Variants in SLC44A1 observed in about 807,000 individuals in gnomAD.
The protein encoded by SLC44A1 is solute carrier family 44 member 1.
In SLC44A1, 26 loss-of-function variants were observed where a neutral mutation model predicts 79.3. The observed-to-expected ratio is 0.33, with a 90% CI of 0.24 to 0.46. SLC44A1 has a LOEUF of 0.46. SLC44A1 is among the 20% of genes least tolerant of loss of function. The pLI is 1.00. For missense variants in SLC44A1, 688 were observed against 798.1 expected, an observed-to-expected ratio of 0.86 and a Z score of 1.66; for synonymous variants, 263 against 286.2, an observed-to-expected ratio of 0.92 and a Z score of 0.82.
intron 15 of SLC44A1, among the ~76,000 whole-genome samples, chr9:105,416,150 G>T (rs1489372493): frequency 5.9e-5 from 9 of 151,946 alleles, no homozygotes; most frequent in African/African-American, 2.2e-4. Flanking sequence ...ACCCATCTTG[G>T]CCTCCCAAAG....
downstream of SLC44A1, among the ~76,000 whole-genome samples, chr9:105,400,189 C>T (rs1343432905): frequency 6.7e-6 from 1 of 148,726 alleles, no homozygotes; most frequent in African/African-American, 2.5e-5. Context: ...GAGTGAAACT[C>T]CGTCTCAAAA....
At chr9:105,386,403 A>ACTG (rs1164683724) in intron 15 of SLC44A1, 1 of 979,472 alleles carries the variant, frequency 1.0e-6, no homozygotes, top group African/African-American at 1.8e-5. Flanking sequence ...GTGTCCCCTG[A>ACTG]CTGCATATAA....
intron 12 of SLC44A1, among the ~76,000 whole-genome samples, chr9:105,369,181 A>G (rs1828028160): frequency 6.6e-6 from 1 of 152,232 alleles, no homozygotes; most frequent in South Asian, 2.1e-4. Flanking sequence ...TAATCTGTTC[A>G]GGCTTCTATA....
At chr9:105,327,832 A>G (rs1826628054) in intron 3 of SLC44A1, among the ~76,000 whole-genome samples, 1 of 152,020 alleles carries the variant, frequency 6.6e-6, no homozygotes, top group Non-Finnish European at 1.5e-5. Flanking sequence ...CCTCCTCTAT[A>G]ATCCTGTTTT....
At chr9:105,354,374 A>G (rs1274742743) in intron 5 of SLC44A1, among the ~76,000 whole-genome samples, 8 of 152,228 alleles carry the variant, frequency 5.3e-5, no homozygotes, top group Middle Eastern at 3.4e-3. Flanking sequence ...GATTCTCATA[A>G]TATTTTTAAC....
At chr9:105,293,596 C>G (rs572365584) in intron 1 of SLC44A1, among the ~76,000 whole-genome samples, 1 of 152,304 alleles carries the variant, frequency 6.6e-6, no homozygotes, top group African/African-American at 2.4e-5. Context: ...CAGACCTTTT[C>G]TACTTAATTG....
rs774131320 is a variant in SLC44A1 at position 105,365,555 on chromosome 9, G to A, written c.1326G>A (p.Thr442=). 26 of 1,613,064 alleles carry A rather than the reference G, an allele frequency of 1.6e-5. No individual in the cohort carries two copies. Among genetic ancestry groups the A allele is most frequent in the Admixed American group, 3.3e-5 (2 of 59,986 alleles). The change falls in exon 11 of 16, where the codon ACG becomes ACA. Residue 442 remains threonine, a synonymous_variant. Transcript: ENST00000374720. ...VNRLIRYHLG[T]VAKGSFIITL... is the part of the protein sequence containing the mutation. ...GCCTTATTCGTTACCACCTAGGTAC[G>A]GTGGCAAAAGGATCTTTCATTATCA...
chr9:105,321,713 G>A (rs1306528137), intron 3 of SLC44A1, among the ~76,000 whole-genome samples: 2 of 151,712 alleles, frequency 1.3e-5, no homozygotes, highest in African/African-American at 4.8e-5. Flanking sequence ...TGTCTTATCA[G>A]TGCACAGAAA....
chr9:105,427,446 T>A (rs1049766951), intron 15 of SLC44A1, among the ~76,000 whole-genome samples: 5 of 152,150 alleles, frequency 3.3e-5, no homozygotes, highest in African/African-American at 1.2e-4. Context: ...GTCTTTAACT[T>A]ATTTTTTTAT....
At chr9:105,268,476 C>CT (rs1267070270) in intron 1 of SLC44A1, among the ~76,000 whole-genome samples, 2 of 152,078 alleles carry the variant, frequency 1.3e-5, no homozygotes, top group South Asian at 4.1e-4. Flanking sequence ...ATCCAAATCT[C>CT]TTTCATTGAT....
chr9:105,305,800 CTA>C (rs753002383), intron 2 of SLC44A1, among the ~76,000 whole-genome samples: 1 of 141,428 alleles, frequency 7.1e-6, no homozygotes, highest in Non-Finnish European at 1.5e-5. Flanking sequence ...AGTAAAAGCT[CTA>C]TGTGTAAAAT....
At chr9:105,291,375 A>G (rs907909632) in intron 1 of SLC44A1, among the ~76,000 whole-genome samples, 3 of 152,194 alleles carry the variant, frequency 2.0e-5, no homozygotes, top group Admixed American at 6.5e-5. Context: ...CCACATACAC[A>G]CTTGAATCGC....
rs772184884 is a variant in SLC44A1 at position 105,361,275 on chromosome 9, C to T, written c.845C>T (p.Ala282Val). ...ETVTPEQLQI[A>V]EDNLRALLIY... is the part of the protein sequence containing the mutation. ...GTTACTCCTGAGCAGCTTCAGATAG[C>T]TGAAGACAATCTTCGGGCCCTCCTC... The change falls in exon 8 of 16, where the codon GCT becomes GTT. Residue 282 changes from alanine to valine, a missense_variant. Coordinates refer to ENST00000374720, the MANE Select transcript of SLC44A1 (RefSeq NM_080546.5). The T allele has an allele frequency of 6.2e-7, 1 of 1,613,782 alleles. No homozygotes were observed. The highest frequency in any genetic ancestry group is 8.5e-7 in the Non-Finnish European group (1 of 1,179,788).
At chr9:105,340,199 T>TA (rs1415012246) in intron 4 of SLC44A1, among the ~76,000 whole-genome samples, 2 of 152,354 alleles carry the variant, frequency 1.3e-5, no homozygotes, top group East Asian at 3.9e-4. Flanking sequence ...ATGCATTTTT[T>TA]ACCACAATAA....
chr9:105,402,919 C>T (rs895804076), intron 15 of SLC44A1, among the ~76,000 whole-genome samples: 1 of 151,754 alleles, frequency 6.6e-6, no homozygotes. Flanking sequence ...TCAAGCGATC[C>T]TCCCACCTCA....
intron 15 of SLC44A1, among the ~76,000 whole-genome samples, chr9:105,420,769 G>A (rs1056642414): frequency 6.8e-6 from 1 of 147,994 alleles, no homozygotes; most frequent in Non-Finnish European, 1.5e-5. Context: ...GCTAAGGCAG[G>A]AGAATCACTT....
At chr9:105,255,750 T>C (rs1305354334) in intron 1 of SLC44A1, among the ~76,000 whole-genome samples, 6 of 152,214 alleles carry the variant, frequency 3.9e-5, no homozygotes, top group Non-Finnish European at 7.3e-5. Flanking sequence ...CCAGACTATA[T>C]CAATTTGAAT....
rs1828885996 is a variant in SLC44A1, at chr9:105,396,799, T to C, written c.*7743T>C. On this transcript the variant is annotated 3_prime_UTR_variant, in exon 16 of 16. Transcript: ENST00000374720. ...TGTATCTTGTCTTGTCTTTGTCCATTATAAACTGGAGGATCACAGTTAAGC... is the reference window on the plus strand; with the variant it reads ...TGTATCTTGTCTTGTCTTTGTCCATCATAAACTGGAGGATCACAGTTAAGC... 3.0e-6 allele frequency: 3 copies of C among 985,206 alleles called. No homozygotes were observed. In the African/African-American group the frequency reaches 5.2e-5, roughly 17 times the overall value. The allele number at this position is 985,206 out of a possible 1,614,324, so 61.0% of individuals were successfully genotyped here. A position where few individuals can be genotyped will look rare whatever the true frequency, so the allele number is the denominator to read the frequency against.
intron 13 of SLC44A1, among the ~76,000 whole-genome samples, chr9:105,379,800 A>G (rs1433627212): frequency 6.6e-6 from 1 of 152,234 alleles, no homozygotes; most frequent in African/African-American, 2.4e-5. Context: ...TAATAAAGCT[A>G]TCCCAAAACC....
Sources: gnomAD v4.1 joint callset for allele counts (sites outside exome capture counted in the v4.1 genomes callset) on GRCh38, gnomAD v4.1.1 for gene constraint, MANE v1.5 for transcripts, NCBI Gene and HGNC (gene_info 2026-07-23, HGNC 2026-07-21) for gene names.